LAPTM5: variants seen among roughly 807,000 people sequenced by gnomAD.
LAPTM5 encodes the protein lysosomal-associated transmembrane protein 5.
A neutral mutation model predicts 30.1 loss-of-function variants in LAPTM5; 11 were observed. The ratio of observed to expected loss-of-function variants is 0.37; its 90% CI spans 0.23 to 0.60. The LOEUF (loss-of-function observed/expected upper bound fraction) is 0.60, where lower values mean the gene tolerates loss of function less well. Among genes scored for constraint, LAPTM5 ranks in the 20% least tolerant of loss-of-function variants. LAPTM5 has a pLI of 0.71. For missense variants in LAPTM5, 324 were observed against 332.5 expected (o/e 0.97, Z 0.20); for synonymous variants, 151 against 137.9 (o/e 1.10, Z -0.67).
At chr1:30,737,519 C>T in intron 6 of LAPTM5, 85 bp downstream of exon 6, 1 of 923,308 alleles carries the variant, frequency 1.1e-6, no homozygotes, top group South Asian at 1.5e-5. Context: ...CATGTCCCTG[C>T]CTTCTAACAG....
intron 1 of LAPTM5, among the ~76,000 whole-genome samples, chr1:30,748,370 C>G (rs900724188): frequency 3.3e-5 from 5 of 152,152 alleles, no homozygotes; most frequent in Admixed American, 2.6e-4. Flanking sequence ...TTGCCCCTCC[C>G]CCTCAGGGCT....
intron 6 of LAPTM5, among the ~76,000 whole-genome samples, chr1:30,736,113 G>A (rs1336362318): frequency 6.6e-6 from 1 of 152,178 alleles, no homozygotes; most frequent in Non-Finnish European, 1.5e-5. Context: ...GCAGTAGAGA[G>A]TGCCATGGAA....
At chr1:30,750,366 G>A (rs1194083276) in intron 1 of LAPTM5, among the ~76,000 whole-genome samples, 1 of 152,192 alleles carries the variant, frequency 6.6e-6, no homozygotes, top group Non-Finnish European at 1.5e-5. Context: ...GCATTTATTA[G>A]ACGCCAGGTC....
At chr1:30,742,163 A>G in intron 2 of LAPTM5, 1 of 486,542 alleles carries the variant, frequency 2.1e-6, no homozygotes, top group South Asian at 2.2e-5. Context: ...TGTGATGAGC[A>G]GCCACTGACG....
chr1:30,752,512 G>A (rs893156033), intron 1 of LAPTM5, among the ~76,000 whole-genome samples: 2 of 151,972 alleles, frequency 1.3e-5, no homozygotes, highest in Non-Finnish European at 2.9e-5. Context: ...TACTCCCCCC[G>A]CCCAGCGTGA....
Position 30,739,798 on chromosome 1 carries a change from T to C in LAPTM5, c.387+11A>G, listed in dbSNP as rs1452905487. Reference sequence around the variant, plus strand: ...CTGCTGTCCGGTGAGAGGTGGGGGCTGGGTACTCACAGCACGGCTCCGGGA... The same window carrying C: ...CTGCTGTCCGGTGAGAGGTGGGGGCCGGGTACTCACAGCACGGCTCCGGGA... On this transcript the variant is annotated intron_variant, in intron 4 of 7. Transcript: ENST00000294507. This position sits in a 1 kb window ranked among gnomAD's most constrained non-coding sequence, Gnocchi z 4.2. The C allele has an allele frequency of 6.3e-7, 1 of 1,588,584 alleles. No homozygotes were observed. Among genetic ancestry groups the C allele is most frequent in the African/African-American group, 1.4e-5 (1 of 73,690 alleles).
At chr1:30,736,894 A>G (rs1003568977) in intron 6 of LAPTM5, among the ~76,000 whole-genome samples, 1 of 152,308 alleles carries the variant, frequency 6.6e-6, no homozygotes, top group Middle Eastern at 3.4e-3. Flanking sequence ...ATTCCCCACA[A>G]GAGTTCTTCA....
intron 6 of LAPTM5, among the ~76,000 whole-genome samples, chr1:30,736,231 G>C (rs377022962): frequency 3.3e-5 from 5 of 152,064 alleles, no homozygotes; most frequent in Non-Finnish European, 5.9e-5. Context: ...AAGGGGCAAG[G>C]TTCTGTTTCT....
chr1:30,734,002 C>G, intron 7 of LAPTM5, 85 bp from the exon 8 acceptor site: 2 of 1,402,504 alleles, frequency 1.4e-6, no homozygotes, highest in South Asian at 2.6e-5. Context: ...CAAACCCCCA[C>G]CTCTGGCAAA....
At chr1:30,749,801 A>C (rs1003685006) in intron 1 of LAPTM5, among the ~76,000 whole-genome samples, 1 of 152,210 alleles carries the variant, frequency 6.6e-6, no homozygotes, top group African/African-American at 2.4e-5. Context: ...CATTCAGGAA[A>C]CGGCAAGACG....
At chr1:30,735,375 T>C in intron 6 of LAPTM5, 110 bp from the exon 7 acceptor site, 1 of 836,014 alleles carries the variant, frequency 1.2e-6, no homozygotes, top group South Asian at 1.4e-5. Context: ...GAAGCCAGCA[T>C]CCAGCTGCTC....
At chr1:30,752,846 T>G (rs1640157268) in intron 1 of LAPTM5, among the ~76,000 whole-genome samples, 1 of 152,098 alleles carries the variant, frequency 6.6e-6, no homozygotes, top group Non-Finnish European at 1.5e-5. Context: ...AGTCTCACTC[T>G]GTCAGGCTAG....
chr1:30,733,870 G>A lies in LAPTM5; in HGVS notation c.747C>T (p.Thr249=), dbSNP rs1172472171. The part of the protein sequence containing the change: ...YEEALSLPSK[T]PEGGPAPPPY... Reference sequence around the variant, plus strand: ...GGGGTGGTGCTGGGCCCCCCTCTGGGGTCTTCGATGGCAAAGACAGGGCTT... The same window carrying A: ...GGGGTGGTGCTGGGCCCCCCTCTGGAGTCTTCGATGGCAAAGACAGGGCTT... The change falls in exon 8 of 8, where the codon ACC becomes ACT. Residue 249 remains threonine, a synonymous_variant. Coordinates refer to ENST00000294507, the MANE Select transcript of LAPTM5 (RefSeq NM_006762.3). 3 of 1,611,022 alleles carry A rather than the reference G, an allele frequency of 1.9e-6. No homozygotes were observed. Among genetic ancestry groups the A allele is most frequent in the South Asian group, 1.1e-5 (1 of 90,898 alleles).
At chr1:30,742,949 G>T (rs1439288898) in intron 1 of LAPTM5, among the ~76,000 whole-genome samples, 2 of 152,128 alleles carry the variant, frequency 1.3e-5, no homozygotes, top group African/African-American at 2.4e-5. Context: ...TAAAGAGGTG[G>T]GGTGGGGGGT....
Position 30,742,475 on chromosome 1 carries a change from C to G in LAPTM5, c.162G>C (p.Gln54His). 1 of 1,613,506 alleles carries G rather than the reference C, an allele frequency of 6.2e-7. No homozygotes were observed. Among genetic ancestry groups the G allele is most frequent in the Non-Finnish European group, 8.5e-7 (1 of 1,179,814 alleles). ...ACCTACCGATCCTGAGGTAGCCCAT[C>G]TGGGAGAGCTTGCAGGACGCCTTGC... ...AHGKASCKLS[Q>H]MGYLRIADLI... Residue 54 changes from glutamine to histidine, a missense_variant, in exon 2 of 8, where the codon CAG (glutamine) becomes CAC (histidine). Gln to His is a conservative substitution (Grantham distance 24, BLOSUM62 0). Coordinates refer to ENST00000294507, the MANE Select transcript of LAPTM5 (RefSeq NM_006762.3).
At chr1:30,749,529 T>TC (rs1357040995) in intron 1 of LAPTM5, among the ~76,000 whole-genome samples, 1 of 152,148 alleles carries the variant, frequency 6.6e-6, no homozygotes, top group Non-Finnish European at 1.5e-5. Context: ...GGCTGGCACC[T>TC]CCTGTGCCAG....
chr1:30,752,326 C>T (rs900550072), intron 1 of LAPTM5, among the ~76,000 whole-genome samples: 1 of 152,206 alleles, frequency 6.6e-6, no homozygotes. Flanking sequence ...AAGAGAGATC[C>T]ATCTTCTTAG....
chr1:30,749,079 C>T (rs1054180476), intron 1 of LAPTM5, among the ~76,000 whole-genome samples: 1 of 152,190 alleles, frequency 6.6e-6, no homozygotes, highest in Admixed American at 6.5e-5. Flanking sequence ...GTAACAGCCC[C>T]AAGCTGGAAT....
At chr1:30,743,891 G>A (rs778635417) in intron 1 of LAPTM5, among the ~76,000 whole-genome samples, 18 of 150,348 alleles carry the variant, frequency 1.2e-4, no homozygotes, top group African/African-American at 3.7e-4. Context: ...GGGACTGAAC[G>A]GAAGAGTGAT....
Sources: gnomAD v4.1 joint callset for allele counts (sites outside exome capture counted in the v4.1 genomes callset) on GRCh38, gnomAD v4.1.1 for gene constraint, Gnocchi (gnomAD v3.1) non-coding constraint, MANE v1.5 for transcripts, NCBI Gene and HGNC (gene_info 2026-07-23, HGNC 2026-07-21) for gene names.